The following KCNMA1 variants were observed in gnomAD, a reference collection of about 807,000 sequenced individuals.
KCNMA1 encodes Calcium-activated potassium channel subunit alpha-1.
In KCNMA1, 29 loss-of-function variants were observed where a neutral mutation model predicts 140.0. The observed-to-expected ratio is 0.21, with a 90% CI of 0.15 to 0.28. The LOEUF (loss-of-function observed/expected upper bound fraction) is 0.28, where lower values mean the gene tolerates loss of function less well. KCNMA1 is among the 10% of genes least tolerant of loss of function. KCNMA1 has a pLI of 1.00. For missense variants in KCNMA1, 880 were observed against 1,602.2 expected, an observed-to-expected ratio of 0.55 and a Z score of 7.70; for synonymous variants, 612 against 611.9, an observed-to-expected ratio of 1.00 and a Z score of 0.00.
At chr10:77,142,194 T>C (rs1222715186) in intron 5 of KCNMA1, among the ~76,000 whole-genome samples, 1 of 151,822 alleles carries the variant, frequency 6.6e-6, no homozygotes, top group Non-Finnish European at 1.5e-5. Context: ...GGTGAAACCC[T>C]GTCTCTACTA....
intron 2 of KCNMA1, among the ~76,000 whole-genome samples, chr10:77,393,222 C>T (rs2095899021): frequency 6.6e-6 from 1 of 152,166 alleles, no homozygotes; most frequent in Non-Finnish European, 1.5e-5. Flanking sequence ...GATGGCCCTG[C>T]CCAGAGCTGC....
At chr10:77,453,071 G>A (rs1156970656) in intron 1 of KCNMA1, among the ~76,000 whole-genome samples, 1 of 152,158 alleles carries the variant, frequency 6.6e-6, no homozygotes, top group Non-Finnish European at 1.5e-5. Context: ...TCATTATCAT[G>A]CACCTTAGGT....
intron 2 of KCNMA1, among the ~76,000 whole-genome samples, chr10:77,396,279 C>G (rs1246209165): frequency 2.6e-5 from 4 of 151,572 alleles, no homozygotes; most frequent in South Asian, 4.2e-4. Context: ...ATAGATTTGC[C>G]TAAAATATAA....
chr10:76,928,922 C>G (rs77446331), intron 23 of KCNMA1, among the ~76,000 whole-genome samples: 6,566 of 152,132 alleles, frequency 0.043, 424 homozygotes, highest in African/African-American at 0.14. Flanking sequence ...GGCAAAACAG[C>G]TCCAAGAGGG....
At chr10:77,027,201 G>T (rs529253215) in intron 16 of KCNMA1, among the ~76,000 whole-genome samples, 75 of 152,298 alleles carry the variant, frequency 4.9e-4, no homozygotes, top group African/African-American at 1.7e-3. Context: ...TGACTGGGAT[G>T]TTATCTATTT....
intron 9 of KCNMA1, chr10:77,091,925 C>G (rs1302692136): frequency 1.3e-5 from 2 of 152,180 alleles, no homozygotes; most frequent in Admixed American, 1.3e-4. Flanking sequence ...TGATGCAGAA[C>G]AAAGAGTAAA....
At chr10:76,915,151 T>C (rs2052252819) in intron 23 of KCNMA1, 102 bp from the exon 24 acceptor site, 1 of 773,462 alleles carries the variant, frequency 1.3e-6, no homozygotes, top group Non-Finnish European at 2.3e-6. Context: ...ATGTAGCTTA[T>C]GCATTATTCA....
intron 2 of KCNMA1, among the ~76,000 whole-genome samples, chr10:77,333,248 A>G (rs1267143134): frequency 6.6e-6 from 1 of 151,978 alleles, no homozygotes; most frequent in African/African-American, 2.4e-5. Context: ...AACAGCTTAT[A>G]TCAAGAATGG....
chr10:77,359,599 C>T (rs942393916), intron 2 of KCNMA1, among the ~76,000 whole-genome samples: 5 of 152,154 alleles, frequency 3.3e-5, no homozygotes, highest in Non-Finnish European at 5.9e-5. Context: ...AGCTCCCACG[C>T]CAGGGACAAG....
intron 2 of KCNMA1, among the ~76,000 whole-genome samples, chr10:77,329,667 G>A (rs1294320481): frequency 6.6e-6 from 1 of 152,160 alleles, no homozygotes; most frequent in African/African-American, 2.4e-5. Context: ...CAACACGAAT[G>A]TCCTATCCTG....
chr10:77,307,975 C>T (rs750597652), intron 2 of KCNMA1, among the ~76,000 whole-genome samples: 9 of 152,162 alleles, frequency 5.9e-5, no homozygotes, highest in Admixed American at 5.9e-4. Context: ...ACTTAGGCTG[C>T]CATTGTTGTC....
chr10:77,442,586 C>T (rs1289329277), intron 1 of KCNMA1, among the ~76,000 whole-genome samples: 8 of 152,192 alleles, frequency 5.3e-5, no homozygotes, highest in South Asian at 2.1e-4. Context: ...GGCACAATAA[C>T]GATACTGACC....
At chr10:77,468,110 T>C (rs894364392) in intron 1 of KCNMA1, among the ~76,000 whole-genome samples, 2 of 152,176 alleles carry the variant, frequency 1.3e-5, no homozygotes, top group African/African-American at 2.4e-5. Flanking sequence ...CGGGTTCCAG[T>C]GATTCTTGTG....
intron 1 of KCNMA1, among the ~76,000 whole-genome samples, chr10:77,532,878 C>T (rs1164603153): frequency 2.6e-5 from 4 of 152,078 alleles, no homozygotes; most frequent in South Asian, 2.1e-4. Flanking sequence ...CTTCTGAGTC[C>T]GGGCTATCCT....
At chr10:77,466,273 T>C (rs933935661) in intron 1 of KCNMA1, among the ~76,000 whole-genome samples, 1 of 152,174 alleles carries the variant, frequency 6.6e-6, no homozygotes, top group Non-Finnish European at 1.5e-5. Flanking sequence ...CTGATATCAC[T>C]GTGGTCCTCT....
At chr10:77,518,966 A>G (rs1055232173) in intron 1 of KCNMA1, among the ~76,000 whole-genome samples, 2 of 152,210 alleles carry the variant, frequency 1.3e-5, no homozygotes, top group Non-Finnish European at 2.9e-5. Context: ...AAAGTTAATC[A>G]TGGAAAATGC....
chr10:77,129,574 A>G (rs2766623), intron 5 of KCNMA1, among the ~76,000 whole-genome samples: 135,112 of 152,202 alleles, frequency 0.89, 60,081 homozygotes, highest in African/African-American at 0.94. Context: ...AATACAATAA[A>G]AGATTATTTA....
intron 1 of KCNMA1, among the ~76,000 whole-genome samples, chr10:77,568,357 C>A: frequency 6.6e-6 from 1 of 152,218 alleles, no homozygotes; most frequent in Non-Finnish European, 1.5e-5. Flanking sequence ...CAAACCGAAT[C>A]CAGCAGCACA....
chr10:77,545,666 G>A (rs545818073), intron 1 of KCNMA1, among the ~76,000 whole-genome samples: 12 of 152,264 alleles, frequency 7.9e-5, no homozygotes, highest in African/African-American at 2.9e-4. Flanking sequence ...TTCCTGGCAG[G>A]GTCATGTTCC....
Sources: allele counts gnomAD v4.1 joint callset (sites outside exome capture counted in the v4.1 genomes callset), GRCh38; gene constraint gnomAD v4.1.1; transcripts MANE v1.5; gene names NCBI Gene and HGNC (gene_info 2026-07-23, HGNC 2026-07-21).